The following EPB41L4A variants were observed in gnomAD, a reference collection of about 807,000 sequenced individuals.
EPB41L4A encodes band 4.1-like protein 4A.
In EPB41L4A, 100 loss-of-function variants were observed where a neutral mutation model predicts 108.6. The observed-to-expected ratio is 0.92, with a 90% CI of 0.78 to 1.09. EPB41L4A has a LOEUF of 1.09. EPB41L4A is among the 50% of genes least tolerant of loss of function. The probability of loss-of-function intolerance (pLI) is 0.00; values close to 1 mark genes in which losing one functional copy is unlikely to be tolerated. For synonymous variants in EPB41L4A, 319 were observed against 289.0 expected, an observed-to-expected ratio of 1.10 and a Z score of -1.05; for missense variants, 1,030 against 842.7, an observed-to-expected ratio of 1.22 and a Z score of -2.75.
intron 12 of EPB41L4A, among the ~76,000 whole-genome samples, chr5:112,214,442 G>A (rs1264387223): frequency 6.6e-6 from 1 of 152,174 alleles, no homozygotes; most frequent in Non-Finnish European, 1.5e-5. Context: ...TAATCATACA[G>A]TAAACCACCA....
intron 12 of EPB41L4A, among the ~76,000 whole-genome samples, chr5:112,147,073 T>C (rs1759286291): frequency 6.6e-6 from 1 of 152,212 alleles, no homozygotes; most frequent in African/African-American, 2.4e-5. Flanking sequence ...AAGTGTAATG[T>C]GCTGCTCTAA....
chr5:112,399,374 C>T (rs73214264), intron 1 of EPB41L4A, among the ~76,000 whole-genome samples: 14,428 of 152,130 alleles, frequency 0.095, 2,249 homozygotes, highest in African/African-American at 0.32. Context: ...CCTCCCAGAC[C>T]TGTGTAATCA....
intron 1 of EPB41L4A, among the ~76,000 whole-genome samples, chr5:112,390,944 C>T (rs1295662343): frequency 6.6e-6 from 1 of 152,188 alleles, no homozygotes; most frequent in Non-Finnish European, 1.5e-5. Flanking sequence ...CTGTAGTGGA[C>T]CTCCAGCAAA....
chr5:112,271,159 A>G (rs1021207923), intron 4 of EPB41L4A, among the ~76,000 whole-genome samples: 5 of 152,208 alleles, frequency 3.3e-5, no homozygotes, highest in African/African-American at 9.6e-5. Flanking sequence ...CTGTCTTGAC[A>G]TACAAATTCA....
At chr5:112,419,475 C>T (rs1438115586), upstream of EPB41L4A, 1 of 366,380 alleles carries the variant, frequency 2.7e-6, no homozygotes, top group African/African-American at 2.1e-5. Flanking sequence ...GCACCTCCCT[C>T]CTGCCGCACG....
At chr5:112,206,620 A>T (rs1762486181) in intron 13 of EPB41L4A, among the ~76,000 whole-genome samples, 1 of 152,250 alleles carries the variant, frequency 6.6e-6, no homozygotes, top group South Asian at 2.1e-4. Flanking sequence ...TCAATAAATC[A>T]GAAAAAGCAA....
intron 1 of EPB41L4A, among the ~76,000 whole-genome samples, chr5:112,332,531 A>C (rs889344183): frequency 1.3e-5 from 2 of 152,202 alleles, no homozygotes; most frequent in Non-Finnish European, 2.9e-5. Flanking sequence ...ATGCTCCTGA[A>C]TGACACCCCA....
At chr5:112,241,188 C>G (rs1749761112) in intron 9 of EPB41L4A, among the ~76,000 whole-genome samples, 1 of 152,090 alleles carries the variant, frequency 6.6e-6, no homozygotes. Context: ...CAAATCCAGT[C>G]CTTAAGTGTA....
At chr5:112,267,720 A>G (rs1418721783) in intron 4 of EPB41L4A, among the ~76,000 whole-genome samples, 1 of 152,048 alleles carries the variant, frequency 6.6e-6, no homozygotes, top group East Asian at 1.9e-4. Context: ...TTTCCTTCCA[A>G]TCCTCCCAAG....
chr5:112,416,480 T>A (rs1762724518), intron 1 of EPB41L4A, among the ~76,000 whole-genome samples: 1 of 152,158 alleles, frequency 6.6e-6, no homozygotes. Flanking sequence ...ACAAAATAAA[T>A]GTTAGGAAAT....
intron 12 of EPB41L4A, chr5:112,146,093 C>T: frequency 4.8e-6 from 2 of 414,196 alleles, no homozygotes; most frequent in Non-Finnish European, 9.5e-6. Context: ...CTCACCCATT[C>T]ATCTGATAGG....
At chr5:112,416,515 T>C (rs574983117) in intron 1 of EPB41L4A, among the ~76,000 whole-genome samples, 7 of 152,316 alleles carry the variant, frequency 4.6e-5, no homozygotes, top group Non-Finnish European at 8.8e-5. Context: ...GAGATTTTTC[T>C]AGTTAATTTC....
intron 19 of EPB41L4A, among the ~76,000 whole-genome samples, 156 bp downstream of exon 19, chr5:112,170,789 C>A (rs1258007316): frequency 6.6e-6 from 1 of 152,210 alleles, no homozygotes; most frequent in East Asian, 1.9e-4. Flanking sequence ...ATGGTTAAGG[C>A]ACCACCACCA....
intron 1 of EPB41L4A, among the ~76,000 whole-genome samples, chr5:112,340,778 GCTC>G (rs1347448573): frequency 1.3e-5 from 2 of 152,096 alleles, no homozygotes; most frequent in Non-Finnish European, 2.9e-5. Context: ...GTATATTGTT[GCTC>G]CTATGTCTAC....
Position 112,395,428 on chromosome 5 carries a change from G to A in EPB41L4A, c.99+23513C>T, listed in dbSNP as rs186013833. Among the ~76,000 whole-genome samples, 993 of 152,314 alleles carry A rather than the reference G, an allele frequency of 6.5e-3. 6 individuals carry two copies. The highest frequency in any genetic ancestry group is 0.029 in the South Asian group (138 of 4,824). On this transcript the variant is annotated intron_variant, in intron 1 of 22. Transcript: ENST00000261486. The stretch of plus-strand genomic sequence containing the variant: ...AAAACAAACAACCCCATCAACAAGT[G>A]GGCGAAGGATATGAACAGACGCTTC...
intron 12 of EPB41L4A, among the ~76,000 whole-genome samples, chr5:112,221,520 A>G (rs1221447886): frequency 3.9e-5 from 6 of 152,232 alleles, no homozygotes; most frequent in Non-Finnish European, 7.3e-5. Flanking sequence ...AACTACTTAT[A>G]TAGTGCACAG....
intron 11 of EPB41L4A, among the ~76,000 whole-genome samples, chr5:112,236,521 G>A (rs6594577): frequency 0.3 from 45,880 of 152,088 alleles, 7,663 homozygotes; most frequent in Non-Finnish European, 0.38. Context: ...TTCTTATATA[G>A]CATCCTATTT....
intron 1 of EPB41L4A, among the ~76,000 whole-genome samples, chr5:112,406,240 C>G (rs1212403345): frequency 6.6e-6 from 1 of 152,178 alleles, no homozygotes; most frequent in African/African-American, 2.4e-5. Flanking sequence ...CCATCTGAAA[C>G]CTTTCAACGA....
chr5:112,323,924 T>C (rs1161857871), intron 1 of EPB41L4A, among the ~76,000 whole-genome samples: 1 of 152,202 alleles, frequency 6.6e-6, no homozygotes, highest in East Asian at 1.9e-4. Context: ...CAATTAAACA[T>C]TGACTCCTGA....
Sources: allele counts gnomAD v4.1 joint callset (sites outside exome capture counted in the v4.1 genomes callset), GRCh38; gene constraint gnomAD v4.1.1; transcripts MANE v1.5; gene names NCBI Gene and HGNC (gene_info 2026-07-23, HGNC 2026-07-21).